GADL1: variants seen among roughly 807,000 people sequenced by gnomAD.
GADL1 encodes the protein GAD like acidic amino acid decarboxylase 1.
A neutral mutation model predicts 69.5 loss-of-function variants in GADL1; 71 were observed. The observed-to-expected ratio is 1.02, with a 90% CI of 0.84 to 1.25. The LOEUF is 1.25. Ranked by LOEUF, GADL1 falls within the 50% of genes most tolerant of loss-of-function variation. The probability of loss-of-function intolerance (pLI) is 0.00; values close to 1 mark genes in which losing one functional copy is unlikely to be tolerated. For missense variants in GADL1, 737 were observed against 631.8 expected (o/e 1.17, Z -1.79); for synonymous variants, 254 against 214.4 (o/e 1.18, Z -1.62).
chr3:30,766,364 G>A (rs304834), intron 14 of GADL1, among the ~76,000 whole-genome samples: 66,955 of 151,946 alleles, frequency 0.44, 14,758 homozygotes, highest in African/African-American at 0.46. Flanking sequence ...GAGCTGACAA[G>A]GGGCCCCATG....
intron 1 of GADL1, among the ~76,000 whole-genome samples, chr3:30,893,577 T>C (rs902202429): frequency 2.6e-5 from 4 of 152,186 alleles, no homozygotes; most frequent in African/African-American, 4.8e-5. Context: ...TTTCTACTTC[T>C]AAGTGCCAGG....
intron 12 of GADL1, among the ~76,000 whole-genome samples, chr3:30,786,943 G>C (rs1215194125): frequency 6.6e-6 from 1 of 151,682 alleles, no homozygotes; most frequent in African/African-American, 2.4e-5. Flanking sequence ...AACTAACACA[G>C]AAACAGAAAA....
At chr3:30,736,328 T>TG (rs1272333285) in intron 14 of GADL1, among the ~76,000 whole-genome samples, 3 of 152,140 alleles carry the variant, frequency 2.0e-5, no homozygotes. Flanking sequence ...TCTGTGACTT[T>TG]GGGCCAATAT....
At chr3:30,874,348 G>C (rs924600282) in intron 1 of GADL1, among the ~76,000 whole-genome samples, 2 of 151,944 alleles carry the variant, frequency 1.3e-5, no homozygotes, top group African/African-American at 4.8e-5. Flanking sequence ...CTGTAATGTT[G>C]AGAAATGAAG....
At chr3:30,864,334 G>GTTTCTC (rs1421470881) in intron 1 of GADL1, among the ~76,000 whole-genome samples, 1 of 151,346 alleles carries the variant, frequency 6.6e-6, no homozygotes, top group Non-Finnish European at 1.5e-5. Flanking sequence ...TGCTCATTAT[G>GTTTCTC]TTTCTCTTTC....
chr3:30,858,375 A>G (rs1465577778), intron 2 of GADL1, among the ~76,000 whole-genome samples: 5 of 152,050 alleles, frequency 3.3e-5, no homozygotes, highest in Non-Finnish European at 5.9e-5. Context: ...CAATAGCTTT[A>G]GTTGTTATGT....
intron 13 of GADL1, among the ~76,000 whole-genome samples, chr3:30,782,951 C>A (rs1189046999): frequency 6.6e-6 from 1 of 151,806 alleles, no homozygotes; most frequent in Non-Finnish European, 1.5e-5. Flanking sequence ...TACAAGATAA[C>A]AATGTAAGAA....
chr3:30,853,986 GTCTGGCT>G (rs2125533664), intron 4 of GADL1, among the ~76,000 whole-genome samples: 1 of 152,102 alleles, frequency 6.6e-6, no homozygotes, highest in African/African-American at 2.4e-5. Flanking sequence ...GGCCCTATAT[GTCTGGCT>G]TCTATCTCTC....
intron 12 of GADL1, among the ~76,000 whole-genome samples, chr3:30,793,333 C>G (rs1378672932): frequency 6.6e-6 from 1 of 151,948 alleles, no homozygotes; most frequent in African/African-American, 2.4e-5. Flanking sequence ...TGACTTATTC[C>G]TCGTAACTTT....
intron 8 of GADL1, among the ~76,000 whole-genome samples, chr3:30,843,234 G>T (rs1697997525): frequency 6.6e-6 from 1 of 151,154 alleles, no homozygotes. Flanking sequence ...AAGCAAAATG[G>T]CTGAGACCAA....
intron 4 of GADL1, among the ~76,000 whole-genome samples, chr3:30,851,144 C>T (rs1242808827): frequency 6.6e-5 from 10 of 152,152 alleles, no homozygotes; most frequent in Non-Finnish European, 1.3e-4. Context: ...AGCTTGTGGC[C>T]TCAGGGATCT....
chr3:30,792,449 C>T (rs542057499), intron 12 of GADL1, among the ~76,000 whole-genome samples: 8 of 152,118 alleles, frequency 5.3e-5, no homozygotes, highest in African/African-American at 9.6e-5. Flanking sequence ...AGTGTACATC[C>T]GTGGTCCCAG....
intron 1 of GADL1, among the ~76,000 whole-genome samples, chr3:30,876,275 G>A (rs1373035572): frequency 1.3e-5 from 2 of 152,088 alleles, no homozygotes; most frequent in East Asian, 1.9e-4. Context: ...AATTCAAATA[G>A]GTCTATATGA....
At chr3:30,733,595 T>TCCTTCCTC (rs894919865) in intron 14 of GADL1, among the ~76,000 whole-genome samples, 16 of 127,202 alleles carry the variant, frequency 1.3e-4, no homozygotes, top group African/African-American at 6.4e-4. Context: ...TCTCCTTCCT[T>TCCTTCCTC]CCTTCCTTCC....
At chr3:30,768,035 A>AACCCC (rs1696324670) in intron 14 of GADL1, among the ~76,000 whole-genome samples, 2 of 142,758 alleles carry the variant, frequency 1.4e-5, no homozygotes, top group African/African-American at 5.4e-5. Context: ...AACTCCCCAT[A>AACCCC]CCCCCCCCCC....
At chr3:30,782,643 T>A (rs140965613) in intron 13 of GADL1, among the ~76,000 whole-genome samples, 1 of 152,144 alleles carries the variant, frequency 6.6e-6, no homozygotes, top group Non-Finnish European at 1.5e-5. Context: ...AGGCTATTGA[T>A]AACAAAGTTC....
chr3:30,730,673 A>G (rs6550010), intron 14 of GADL1, among the ~76,000 whole-genome samples: 49,176 of 152,066 alleles, frequency 0.32, 8,785 homozygotes, highest in African/African-American at 0.47. Flanking sequence ...GTACACTGAT[A>G]TACAAATATA....
intron 14 of GADL1, among the ~76,000 whole-genome samples, chr3:30,752,733 T>A (rs1695856310): frequency 6.6e-6 from 1 of 152,152 alleles, no homozygotes; most frequent in Non-Finnish European, 1.5e-5. Flanking sequence ...CTTAGTTCCT[T>A]TGAGTATTTA....
Position 30,882,365 on chromosome 3 carries a change from TCAC to T in GADL1, c.37+12210_37+12212del, listed in dbSNP as rs1698654918. ...CTTCCCCCTCGCAATCCACTGGAAA[TCAC>T]CATCCTGTTTTCTGTTTCTGTGAAT... On this transcript the variant is annotated intron_variant, in intron 1 of 14. Transcript: ENST00000282538. Among the ~76,000 whole-genome samples, 4 of 152,002 alleles carry T rather than the reference TCAC, an allele frequency of 2.6e-5. No homozygotes were observed. In the South Asian group the frequency reaches 8.3e-4, roughly 32 times the overall value.
Sources: gnomAD v4.1 joint callset for allele counts (sites outside exome capture counted in the v4.1 genomes callset) on GRCh38, gnomAD v4.1.1 for gene constraint, MANE v1.5 for transcripts, NCBI Gene and HGNC (gene_info 2026-07-23, HGNC 2026-07-21) for gene names.